MUC5B: variants seen among roughly 807,000 people sequenced by gnomAD.
MUC5B encodes mucin 5B, oligomeric mucus/gel-forming, also known as mucin-5B.
MUC5B carries 116 observed loss-of-function variants against 376.9 expected under a neutral mutation model. The observed-to-expected ratio is 0.31, with a 90% CI of 0.26 to 0.36. The LOEUF (loss-of-function observed/expected upper bound fraction) is 0.36, where lower values mean the gene tolerates loss of function less well. Among genes scored for constraint, MUC5B ranks in the 10% least tolerant of loss-of-function variants. The probability of loss-of-function intolerance (pLI) is 1.00; values close to 1 mark genes in which losing one functional copy is unlikely to be tolerated. For synonymous variants in MUC5B, 3,517 were observed against 3,390.9 expected (o/e 1.04, Z -1.29); for missense variants, 7,165 against 7,769.9 (o/e 0.92, Z 2.93).
Position 1,246,343 on chromosome 11 carries a change from T to G in MUC5B, c.9463T>G (p.Ser3155Ala), listed in dbSNP as rs1311377278. The change falls in exon 31 of 49, where the codon TCC (serine) becomes GCC (alanine). Residue 3155 changes from serine (S) to alanine (A), a missense_variant. Coordinates refer to ENST00000529681, the MANE Select transcript of MUC5B (RefSeq NM_002458.3). ...TAATGPTATP[S>A]STPGTTWILT... ...AGCCACTGGCCCCACGGCCACCCCG[T>G]CCTCCACCCCAGGGACCACCTGGAT... 1 of 1,603,326 alleles carries G rather than the reference T, an allele frequency of 6.2e-7. No individual in the cohort carries two copies. The highest frequency in any genetic ancestry group is 2.3e-5 in the East Asian group (1 of 44,110).
At position 1,258,251 on chromosome 11, in the gene MUC5B, G is replaced by T. The variant is rs201689825; in HGVS notation, c.16555+48G>T. The stretch of plus-strand genomic sequence containing the variant: ...TCCTGGGTGGCCTCTTGCTGGGGGT[G>T]GGGGAGTGCAGGATGGTGGGGGCGC... On this transcript the variant is annotated intron_variant, in intron 42 of 48. Coordinates refer to ENST00000529681, the MANE Select transcript of MUC5B (RefSeq NM_002458.3). This position sits in a 1 kb window ranked among gnomAD's most constrained non-coding sequence, Gnocchi z 5.5. 3 of 1,577,340 alleles carry T rather than the reference G, an allele frequency of 1.9e-6. No homozygotes were observed. Among genetic ancestry groups the T allele is most frequent in the Admixed American group, 1.8e-5 (1 of 54,392 alleles).
chr11:1,246,178 C>T lies in MUC5B; in HGVS notation c.9298C>T (p.Pro3100Ser), dbSNP rs761510049. The change falls in exon 31 of 49, where the codon CCG becomes TCG. Residue 3100 changes from proline (P) to serine (S), a missense_variant. Transcript: ENST00000529681. ...GTCCACAATCCACCCCTCCTCCACT[C>T]CGGAGACCACCCACACCTCCACAGT... ...TMSTIHPSST[P>S]ETTHTSTVLT... 1 of 1,613,080 alleles carries T rather than the reference C, an allele frequency of 6.2e-7. No individual in the cohort carries two copies.
At position 1,247,943 on chromosome 11, in the gene MUC5B, G is replaced by C. The variant is rs760594761; in HGVS notation, c.11063G>C (p.Gly3688Ala). The change falls in exon 31 of 49, where the codon GGG (glycine) becomes GCG (alanine). Residue 3688 changes from glycine (G) to alanine (A), a missense_variant. By Grantham distance (60) the Gly-to-Ala change is moderately conservative. This residue lies in a region of MUC5B where 90 missense variants were observed against 71.1 expected (regional missense o/e 1.27). Coordinates refer to ENST00000529681, the MANE Select transcript of MUC5B (RefSeq NM_002458.3). ...SSTATPSSTP[G>A]TTWILTKLTT... ...ACGGCCACGCCCTCCTCAACTCCGG[G>C]GACGACCTGGATCCTCACAAAGCTG... 6.2e-7 allele frequency: 1 copy of C among 1,611,050 alleles called. No individual in the cohort carries two copies. The highest frequency in any genetic ancestry group is 1.3e-5 in the African/African-American group (1 of 74,638).
rs958204566 is a variant in MUC5B, at chr11:1,223,212, G to A, written c.70+19G>A. ...CAGGCAGGTAAGAGCCCCCCACTCCGCCCCCTCTCGATGCTGTCTTCACGG... is the reference window on the plus strand; with the variant it reads ...CAGGCAGGTAAGAGCCCCCCACTCCACCCCCTCTCGATGCTGTCTTCACGG... On this transcript the variant is annotated intron_variant, in intron 1 of 48. Transcript: ENST00000529681. 2.0e-5 allele frequency: 14 copies of A among 709,194 alleles called. No homozygotes were observed. Among genetic ancestry groups the A allele is most frequent in the East Asian group, 8.1e-5 (3 of 37,248 alleles). The allele number at this position is 709,194 out of a possible 1,614,324, so 43.9% of individuals were successfully genotyped here. A position where few individuals can be genotyped will look rare whatever the true frequency, so the allele number is the denominator to read the frequency against.
At position 1,226,288 on chromosome 11, in the gene MUC5B, C is replaced by T; in HGVS notation, c.199+12C>T. The T allele has an allele frequency of 6.4e-7, 1 of 1,551,796 alleles. No homozygotes were observed. Among genetic ancestry groups the T allele is most frequent in the Non-Finnish European group, 8.7e-7 (1 of 1,148,674 alleles). On this transcript the variant is annotated intron_variant, in intron 3 of 48. Coordinates refer to ENST00000529681, the MANE Select transcript of MUC5B (RefSeq NM_002458.3). ...CCCCAGCCTGAGCCGTAAGCAGATGCTGCCCCTGCCAGCCGGGAAGGGGGT... is the reference window on the plus strand; with the variant it reads ...CCCCAGCCTGAGCCGTAAGCAGATGTTGCCCCTGCCAGCCGGGAAGGGGGT...
rs780196838 is a variant in MUC5B, at chr11:1,242,603, C to A, written c.5723C>A (p.Thr1908Lys). 7.4e-6 allele frequency: 12 copies of A among 1,613,786 alleles called. No individual in the cohort carries two copies. The highest frequency in any genetic ancestry group is 4.0e-5 in the African/African-American group (3 of 74,966). ...SSTPGTTWILTKPTTTATTTA... is the reference protein window; with the variant it reads ...SSTPGTTWILKKPTTTATTTA... ...ACTCCGGGGACGACCTGGATCCTCA[C>A]AAAGCCGACCACAACAGCCACTACG... Residue 1908 changes from threonine (T) to lysine (K), a missense_variant, in exon 31 of 49, where the codon ACA (threonine) becomes AAA (lysine). Coordinates refer to ENST00000529681, the MANE Select transcript of MUC5B (RefSeq NM_002458.3).
In MUC5B at chr11:1,242,994, C is replaced by T. The variant is rs758229521; in HGVS notation, c.6114C>T (p.Thr2038=). 1 of 1,612,954 alleles carries T rather than the reference C, an allele frequency of 6.2e-7. No homozygotes were observed. Among genetic ancestry groups the T allele is most frequent in the Admixed American group, 1.7e-5 (1 of 59,964 alleles). The change falls in exon 31 of 49, where the codon ACC becomes ACT. Residue 2038 remains threonine, a synonymous_variant. Coordinates refer to ENST00000529681, the MANE Select transcript of MUC5B (RefSeq NM_002458.3). ...TTTGATGSVA[T]PSSTPGTAHT... ...CTGGGGCCACCGGCTCTGTGGCCACCCCCTCCTCCACCCCAGGAACAGCTC... is the reference window on the plus strand; with the variant it reads ...CTGGGGCCACCGGCTCTGTGGCCACTCCCTCCTCCACCCCAGGAACAGCTC...
chr11:1,256,833 G>A, intron 39 of MUC5B, 62 bp downstream of exon 39: 1 of 1,349,344 alleles, frequency 7.4e-7, no homozygotes, highest in African/African-American at 1.5e-5. Context: ...ACACAGGGTG[G>A]GAGGAGCCGC....
At position 1,243,351 on chromosome 11, in the gene MUC5B, C is replaced by A. The variant is rs751236729; in HGVS notation, c.6471C>A (p.Pro2157=). Reference sequence around the variant, plus strand: ...CCTCCTCAACTCCTGGGACAACTCCCATCCCCCCAGTGCTGACCACCACCG... The same window carrying A: ...CCTCCTCAACTCCTGGGACAACTCCAATCCCCCCAGTGCTGACCACCACCG... ...TNPSSTPGTT[P]IPPVLTTTAT... The change falls in exon 31 of 49, where the codon CCC becomes CCA. Residue 2157 remains proline, a synonymous_variant. Coordinates refer to ENST00000529681, the MANE Select transcript of MUC5B (RefSeq NM_002458.3). 2.7e-5 allele frequency: 42 copies of A among 1,558,596 alleles called. 1 individual carries two copies. Among genetic ancestry groups the A allele is most frequent in the Non-Finnish European group, 3.4e-5 (39 of 1,151,548 alleles).
Position 1,241,630 on chromosome 11 carries a change from G to A in MUC5B, c.4750G>A (p.Val1584Ile), listed in dbSNP as rs376063731. Residue 1584 changes from valine (V) to isoleucine (I), a missense_variant, in exon 31 of 49, where the codon GTC becomes ATC. Coordinates refer to ENST00000529681, the MANE Select transcript of MUC5B (RefSeq NM_002458.3). ...LVCRNWEQEG[V>I]FKMCYNYRIR... ...GTGCAGGAACTGGGAGCAGGAGGGCGTCTTCAAGATGTGCTACAACTACAG... is the reference window on the plus strand; with the variant it reads ...GTGCAGGAACTGGGAGCAGGAGGGCATCTTCAAGATGTGCTACAACTACAG... 205 of 1,612,278 alleles carry A rather than the reference G, an allele frequency of 1.3e-4. 2 individuals are homozygous for A. Among genetic ancestry groups the A allele is most frequent in the South Asian group, 8.9e-4 (81 of 90,988 alleles).
rs766161016 is a variant in MUC5B, at chr11:1,246,411, C to T, written c.9531C>T (p.Thr3177=). The change falls in exon 31 of 49, where the codon ACC becomes ACT. Residue 3177 remains threonine, a synonymous_variant. Coordinates refer to ENST00000529681, the MANE Select transcript of MUC5B (RefSeq NM_002458.3). ...CTACAGCCACCGTGACGGTGCCCAC[C>T]GGATCCACGGCCACCGCCTCCTCCA... ...PSTTATVTVP[T]GSTATASSTR... 128 of 1,613,346 alleles carry T rather than the reference C, an allele frequency of 7.9e-5. No individual in the cohort carries two copies. Among genetic ancestry groups the T allele is most frequent in the East Asian group, 1.1e-4 (5 of 44,816 alleles).
At position 1,233,937 on chromosome 11, in the gene MUC5B, C is replaced by G. The variant is rs1056747500; in HGVS notation, c.2377+89C>G. On this transcript the variant is annotated intron_variant, in intron 19 of 48. Transcript: ENST00000529681. Reference sequence around the variant, plus strand: ...CCAACACGCCCCACCCTGCCCCACCCCACCTGAACCCTGCCGGGCCAGGTC... The same window carrying G: ...CCAACACGCCCCACCCTGCCCCACCGCACCTGAACCCTGCCGGGCCAGGTC... The G allele has an allele frequency of 5.0e-5, 67 of 1,330,212 alleles. No homozygotes were observed. In the East Asian group the frequency reaches 1.4e-3, roughly 28 times the overall value. 82.4% of individuals were successfully genotyped at this position (1,330,212 alleles called of 1,614,324 possible). A position where few individuals can be genotyped will look rare whatever the true frequency, so the allele number is the denominator to read the frequency against.
Position 1,231,659 on chromosome 11 carries a change from C to G in MUC5B, c.1678+99C>G. 3 of 1,397,838 alleles carry G rather than the reference C, an allele frequency of 2.1e-6. No homozygotes were observed. In the South Asian group the frequency reaches 4.2e-5, roughly 20 times the overall value. The allele number at this position is 1,397,838 out of a possible 1,614,324, so 86.6% of individuals were successfully genotyped here. On this transcript the variant is annotated intron_variant, in intron 14 of 48. Coordinates refer to ENST00000529681, the MANE Select transcript of MUC5B (RefSeq NM_002458.3). ...GGGGCAGGCAGAGGCGGGCAGGGGACCGGGGAGGGGGCTGCCCCCAGGGCA... is the reference window on the plus strand; with the variant it reads ...GGGGCAGGCAGAGGCGGGCAGGGGAGCGGGGAGGGGGCTGCCCCCAGGGCA...
intron 2 of MUC5B, 71 bp from the exon 3 acceptor site, chr11:1,226,134 G>A: frequency 6.9e-7 from 1 of 1,440,824 alleles, no homozygotes; most frequent in Admixed American, 2.0e-5. Context: ...CGAGGAGGGT[G>A]GGCCCCGGGG....
At chr11:1,237,691 G>A (rs1862188480) in intron 25 of MUC5B, among the ~76,000 whole-genome samples, 5 of 152,288 alleles carry the variant, frequency 3.3e-5, no homozygotes, top group African/African-American at 7.2e-5. Flanking sequence ...TCAACATGGC[G>A]AAACCCCGTC....
chr11:1,231,885 G>A, intron 14 of MUC5B, 111 bp from the exon 15 acceptor site: 1 of 1,434,956 alleles, frequency 7.0e-7, no homozygotes, highest in Middle Eastern at 2.4e-4. Flanking sequence ...CAGAATCCTG[G>A]GACAGGGCTC....
chr11:1,251,568 C>A lies in MUC5B; in HGVS notation c.14688C>A (p.Ser4896Arg), dbSNP rs1862699655. Residue 4896 changes from serine to arginine, a missense_variant, in exon 31 of 49, where the codon AGC becomes AGA. By Grantham distance (110) the Ser-to-Arg change is moderately radical. Coordinates refer to ENST00000529681, the MANE Select transcript of MUC5B (RefSeq NM_002458.3). ...CAGCCACTGCCTCCACGGTTCCCAG[C>A]TCGTCCACCGTGGGGACCACCCGCA... ...MPTATASTVP[S>R]SSTVGTTRTP... The A allele has an allele frequency of 6.2e-7, 1 of 1,612,802 alleles. No homozygotes were observed. Among genetic ancestry groups the A allele is most frequent in the South Asian group, 1.1e-5 (1 of 91,076 alleles).
Position 1,234,781 on chromosome 11 carries a change from G to GC in MUC5B, c.2630+102dup. ...GCAGGGAGGGCAGGGGGCGGGGAGG[G>GC]CAGGGGGCCAGCTGGCCAGGGTGAG... On this transcript the variant is annotated intron_variant, in intron 21 of 48. Coordinates refer to ENST00000529681, the MANE Select transcript of MUC5B (RefSeq NM_002458.3). This position sits in a 1 kb window ranked among gnomAD's most constrained non-coding sequence, Gnocchi z 6.3. The GC allele has an allele frequency of 2.4e-6, 1 of 415,044 alleles. No individual in the cohort carries two copies. 25.7% of individuals were successfully genotyped at this position (415,044 alleles called of 1,614,324 possible).
chr11:1,242,127 C>A lies in MUC5B; in HGVS notation c.5247C>A (p.Leu1749=), dbSNP rs745477080. The A allele has an allele frequency of 1.5e-5, 25 of 1,613,446 alleles. No homozygotes were observed. The highest frequency in any genetic ancestry group is 2.1e-5 in the Non-Finnish European group (25 of 1,179,858). Residue 1749 remains leucine, a synonymous_variant, in exon 31 of 49, where the codon CTC becomes CTA. Transcript: ENST00000529681. ...TGACCACGAGCCTGGCGCCAACACTCACGAGCGAGCTGTCCACCTCTCAGG... is the reference window on the plus strand; with the variant it reads ...TGACCACGAGCCTGGCGCCAACACTAACGAGCGAGCTGTCCACCTCTCAGG... ...EPLTTSLAPT[L]TSELSTSQAE... is the part of the protein sequence containing the mutation.
Sources: allele counts gnomAD v4.1 joint callset (sites outside exome capture counted in the v4.1 genomes callset), GRCh38; gene constraint gnomAD v4.1.1; regional missense constraint gnomAD v4.1.1; non-coding constraint Gnocchi (gnomAD v3.1); transcripts MANE v1.5; gene names NCBI Gene and HGNC (gene_info 2026-07-23, HGNC 2026-07-21).